FAT2: variants seen among roughly 807,000 people sequenced by gnomAD.
FAT2 encodes the protein protocadherin Fat 2.
FAT2 carries 150 observed loss-of-function variants against 295.3 expected under a neutral mutation model. The ratio of observed to expected loss-of-function variants is 0.51; its 90% confidence interval spans 0.44 to 0.58. The LOEUF (loss-of-function observed/expected upper bound fraction) is 0.58, where lower values mean the gene tolerates loss of function less well. Ranked by LOEUF, FAT2 falls within the 20% of genes least tolerant of loss-of-function variation. The probability of loss-of-function intolerance (pLI) is 0.00; values close to 1 mark genes in which losing one functional copy is unlikely to be tolerated. For missense variants in FAT2, 4,868 were observed against 5,442.7 expected (o/e 0.89, Z 3.32); for synonymous variants, 2,026 against 2,150.3 (o/e 0.94, Z 1.60).
Position 151,567,597 on chromosome 5 carries a change from G to T in FAT2, c.1335C>A (p.Val445=). The T allele has an allele frequency of 6.2e-7, 1 of 1,614,174 alleles. No individual in the cohort carries two copies. The highest frequency in any genetic ancestry group is 1.1e-5 in the South Asian group (1 of 91,074). ...TSPGQASTVV[V]IDIVDCNNHA... ...GGTTGTTGCAGTCCACAATGTCAAT[G>T]ACCACCACGGTGGAGGCCTGGCCCG... The change falls in exon 2 of 24, where the codon GTC becomes GTA. Residue 445 remains valine, a synonymous_variant. Transcript: ENST00000261800.
Position 151,544,448 on chromosome 5 carries a change from C to G in FAT2, c.6679G>C (p.Val2227Leu), listed in dbSNP as rs1414760983. The G allele has an allele frequency of 1.2e-6, 2 of 1,614,170 alleles. No homozygotes were observed. The highest frequency in any genetic ancestry group is 1.1e-5 in the South Asian group (1 of 91,084). The change falls in exon 10 of 24, where the codon GTA becomes CTA. Residue 2227 changes from valine to leucine, a missense_variant. By Grantham distance (32) the Val-to-Leu change is conservative. Transcript: ENST00000261800. ...TTDFKTGVLT[V>L]TGPLDYESKT... ...GACTCATAGTCCAAAGGCCCTGTTA[C>G]TGTTAGGACACCAGTCTTGAAGTCA... is the stretch of plus-strand genomic sequence containing the variant.
intron 13 of FAT2, among the ~76,000 whole-genome samples, chr5:151,533,620 C>A (rs1372332615): frequency 6.6e-6 from 1 of 152,100 alleles, no homozygotes; most frequent in African/African-American, 2.4e-5. Flanking sequence ...TTATCATCAT[C>A]ATTTTCCTGT....
chr5:151,592,679 T>C (rs1759459050), upstream of FAT2, among the ~76,000 whole-genome samples: 1 of 152,234 alleles, frequency 6.6e-6, no homozygotes. Flanking sequence ...CTTAAATTTG[T>C]TAAGTCTCTG....
intron 13 of FAT2, 132 bp from the exon 14 acceptor site, chr5:151,532,102 G>A: frequency 8.5e-7 from 1 of 1,169,832 alleles, no homozygotes; most frequent in Non-Finnish European, 1.2e-6. Flanking sequence ...TTGGGTATAT[G>A]AAGAGTGAGG....
Position 151,591,220 on chromosome 5 carries a change from C to G in FAT2, c.-76G>C, listed in dbSNP as rs564919787. On this transcript the variant is annotated 5_prime_UTR_variant, in exon 1 of 24. Coordinates refer to ENST00000261800, the MANE Select transcript of FAT2 (RefSeq NM_001447.3). ...AGAGCAGGCTGCTGGGCTGGCGCCC[C>G]TCTCACGAGGGCCAGGCTGACAGGC... 1.3e-5 allele frequency among the ~76,000 whole-genome samples: 2 copies of G among 152,364 alleles called. No homozygotes were observed. Among genetic ancestry groups the G allele is most frequent in the South Asian group, 2.1e-4 (1 of 4,826 alleles).
intron 20 of FAT2, among the ~76,000 whole-genome samples, chr5:151,516,175 T>C (rs938824865): frequency 1.3e-5 from 2 of 152,204 alleles, no homozygotes; most frequent in East Asian, 3.8e-4. Context: ...TCAATTATTA[T>C]CTCAATGAAA....
intron 2 of FAT2, 26 bp downstream of exon 2, chr5:151,565,647 A>AGCGC: frequency 1.4e-6 from 2 of 1,461,028 alleles, no homozygotes; most frequent in Non-Finnish European, 1.9e-6. Flanking sequence ...TGGCCCTGGC[A>AGCGC]CCCCACCCTA....
intron 20 of FAT2, among the ~76,000 whole-genome samples, chr5:151,513,458 T>G (rs1752521822): frequency 6.6e-6 from 1 of 151,846 alleles, no homozygotes; most frequent in Admixed American, 6.6e-5. Flanking sequence ...ATGGATGGAG[T>G]TGGCGGCCAT....
At chr5:151,520,803 A>G (rs1753370889) in intron 19 of FAT2, among the ~76,000 whole-genome samples, 2 of 152,222 alleles carry the variant, frequency 1.3e-5, no homozygotes. Context: ...CCACCAGACT[A>G]TGGTAATAAT....
At chr5:151,534,898 T>C (rs1321650144) in intron 12 of FAT2, among the ~76,000 whole-genome samples, 3 of 149,844 alleles carry the variant, frequency 2.0e-5, no homozygotes, top group African/African-American at 7.3e-5. Flanking sequence ...ATATTCTTAA[T>C]GGCCAATTAG....
At chr5:151,523,706 G>C (rs1376467604) in intron 18 of FAT2, among the ~76,000 whole-genome samples, 1 of 152,160 alleles carries the variant, frequency 6.6e-6, no homozygotes, top group African/African-American at 2.4e-5. Context: ...TCACATCCAT[G>C]CTCTTGGCTT....
rs1422226420 is a variant in FAT2, at chr5:151,505,294, G to C, written c.*271C>G. On this transcript the variant is annotated 3_prime_UTR_variant, in exon 24 of 24. Transcript: ENST00000261800. ...CTCCTGTCTCTCGCCCACCCCGGGAGTCAATTGTTCCTGGTTTTCCAGGGT... is the reference window on the plus strand; with the variant it reads ...CTCCTGTCTCTCGCCCACCCCGGGACTCAATTGTTCCTGGTTTTCCAGGGT... 1.9e-6 allele frequency: 1 copy of C among 529,444 alleles called. No homozygotes were observed. The highest frequency in any genetic ancestry group is 3.4e-5 in the East Asian group (1 of 29,358). 32.8% of individuals were successfully genotyped at this position (529,444 alleles called of 1,614,324 possible).
At position 151,540,624 on chromosome 5, in the gene FAT2, C is replaced by G. The variant is rs200469726; in HGVS notation, c.8982G>C (p.Ser2994=). ...VTASDGKFQA[S]VTVEIFVLDV... is the part of the protein sequence containing the mutation. The stretch of plus-strand genomic sequence containing the variant: ...CCAGGACAAAGATCTCCACAGTGAC[C>G]GAAGCCTGGAACTTGCCATCAGATG... The change falls in exon 11 of 24, where the codon TCG becomes TCC. Residue 2994 remains serine, a synonymous_variant. Transcript: ENST00000261800. 2 of 1,614,116 alleles carry G rather than the reference C, an allele frequency of 1.2e-6. No individual in the cohort carries two copies. Among genetic ancestry groups the G allele is most frequent in the Non-Finnish European group, 1.7e-6 (2 of 1,180,014 alleles).
chr5:151,534,973 ATAT>A (rs1307877674), intron 12 of FAT2, among the ~76,000 whole-genome samples: 3 of 80,052 alleles, frequency 3.7e-5, no homozygotes, highest in African/African-American at 1.1e-4. Context: ...CTAGGAAAAT[ATAT>A]ATATATATAT....
intron 8 of FAT2, among the ~76,000 whole-genome samples, chr5:151,550,176 C>T (rs79203224): frequency 6.6e-6 from 1 of 152,272 alleles, no homozygotes; most frequent in East Asian, 1.9e-4. Context: ...AATGCAGGCA[C>T]ATGGCCCAGA....
chr5:151,550,440 G>A (rs1170816868), intron 8 of FAT2, 150 bp downstream of exon 8: 1 of 844,426 alleles, frequency 1.2e-6, no homozygotes, highest in African/African-American at 1.7e-5. Context: ...CCTTATGGAA[G>A]GTGCCCTTAG....
At chr5:151,549,741 A>G (rs1283554342) in intron 8 of FAT2, among the ~76,000 whole-genome samples, 1 of 152,216 alleles carries the variant, frequency 6.6e-6, no homozygotes, top group African/African-American at 2.4e-5. Flanking sequence ...TTTAGGAGAA[A>G]GACAGAAATA....
intron 13 of FAT2, among the ~76,000 whole-genome samples, chr5:151,533,396 ACACACACACACAC>A (rs1754880933): frequency 2.8e-5 from 2 of 70,204 alleles, no homozygotes; most frequent in South Asian, 3.9e-4. Context: ...TATCTCCAAC[ACACACACACACAC>A]ACACACACAC....
At chr5:151,538,013 G>A in intron 11 of FAT2, 67 bp from the exon 12 acceptor site, 2 of 1,455,800 alleles carry the variant, frequency 1.4e-6, no homozygotes, top group South Asian at 1.3e-5. Flanking sequence ...GAGAAGCAGA[G>A]TGACTGACTG....
Sources: gnomAD v4.1 joint callset for allele counts (sites outside exome capture counted in the v4.1 genomes callset) on GRCh38, gnomAD v4.1.1 for gene constraint, MANE v1.5 for transcripts, NCBI Gene and HGNC (gene_info 2026-07-23, HGNC 2026-07-21) for gene names.